MED27: variants seen among roughly 807,000 people sequenced by gnomAD.
The protein encoded by MED27 is mediator complex subunit 27, also known as mediator of RNA polymerase II transcription subunit 27.
A neutral mutation model predicts 38.2 loss-of-function variants in MED27; 30 were observed. That is an observed-to-expected ratio of 0.79 (90% confidence interval 0.59 to 1.07). The LOEUF (loss-of-function observed/expected upper bound fraction) is 1.07, where lower values mean the gene tolerates loss of function less well. Ranked by LOEUF, MED27 falls within the 50% of genes least tolerant of loss-of-function variation. MED27 has a pLI of 0.00. For synonymous variants in MED27, 122 were observed against 153.5 expected (o/e 0.79, Z 1.52); for missense variants, 289 against 397.5 (o/e 0.73, Z 2.32).
intron 4 of MED27, among the ~76,000 whole-genome samples, chr9:131,897,720 A>G (rs960295426): frequency 6.6e-6 from 1 of 152,204 alleles, no homozygotes; most frequent in Admixed American, 6.5e-5. Flanking sequence ...GGTTCTTTGT[A>G]CTATTTCATT....
intron 6 of MED27, among the ~76,000 whole-genome samples, chr9:131,863,637 T>C (rs1397993228): frequency 6.8e-6 from 1 of 146,348 alleles, no homozygotes; most frequent in East Asian, 1.9e-4. Flanking sequence ...ACACAGGATT[T>C]ATGATGGGGA....
chr9:131,987,512 G>C (rs901537071), intron 3 of MED27, among the ~76,000 whole-genome samples: 2 of 152,128 alleles, frequency 1.3e-5, no homozygotes, highest in African/African-American at 4.8e-5. Flanking sequence ...ATTCTAAATA[G>C]AGTCTGTCTT....
chr9:131,970,831 C>G (rs1302316701), intron 3 of MED27, among the ~76,000 whole-genome samples: 1 of 152,122 alleles, frequency 6.6e-6, no homozygotes, highest in African/African-American at 2.4e-5. Context: ...AAGACAAACA[C>G]CAAACAGATC....
intron 4 of MED27, among the ~76,000 whole-genome samples, chr9:131,929,295 C>T (rs1439811373): frequency 6.6e-6 from 1 of 152,162 alleles, no homozygotes; most frequent in Non-Finnish European, 1.5e-5. Flanking sequence ...ACATTCCCAG[C>T]CGTGGTGGTT....
chr9:131,932,979 T>C (rs1466119788), intron 4 of MED27, among the ~76,000 whole-genome samples: 1 of 152,180 alleles, frequency 6.6e-6, no homozygotes, highest in African/African-American at 2.4e-5. Flanking sequence ...AATCAATTAA[T>C]GTGAAACATC....
intron 3 of MED27, among the ~76,000 whole-genome samples, chr9:131,962,903 C>G (rs1361245835): frequency 6.6e-6 from 1 of 152,172 alleles, no homozygotes; most frequent in Non-Finnish European, 1.5e-5. Flanking sequence ...AAGATGGTTT[C>G]ATTTTATCTG....
intron 3 of MED27, among the ~76,000 whole-genome samples, chr9:131,986,277 A>G (rs893283097): frequency 1.3e-5 from 2 of 152,180 alleles, no homozygotes; most frequent in African/African-American, 4.8e-5. Flanking sequence ...ACTCACCCAG[A>G]GCAACCTGTA....
intron 2 of MED27, among the ~76,000 whole-genome samples, chr9:132,033,937 A>G (rs1404286415): frequency 6.6e-6 from 1 of 152,228 alleles, no homozygotes; most frequent in East Asian, 1.9e-4. Flanking sequence ...TACACTTTCA[A>G]TTTGAGATTT....
At chr9:131,934,990 T>C (rs1830656200) in intron 4 of MED27, among the ~76,000 whole-genome samples, 1 of 152,190 alleles carries the variant, frequency 6.6e-6, no homozygotes, top group African/African-American at 2.4e-5. Context: ...TGTTCTCATC[T>C]ATTTGTGGGA....
chr9:131,988,207 A>T (rs1047200282), intron 3 of MED27, among the ~76,000 whole-genome samples: 1 of 152,238 alleles, frequency 6.6e-6, no homozygotes, highest in Non-Finnish European at 1.5e-5. Context: ...GATATTGAGA[A>T]ATAGTTTTTG....
At position 131,860,449 on chromosome 9, in the gene MED27, G is replaced by A; in HGVS notation, c.*89C>T. On this transcript the variant is annotated 3_prime_UTR_variant, in exon 8 of 8. Coordinates refer to ENST00000292035, the MANE Select transcript of MED27 (RefSeq NM_004269.4). This position sits in a 1 kb window ranked among gnomAD's most constrained non-coding sequence, Gnocchi z 5.8. ...GGGAGGAGCAGCTGTACACATCTGG[G>A]CAGTGAGGAACCAGCTGAGCCTTCT... The A allele has an allele frequency of 1.4e-6, 2 of 1,389,630 alleles. No homozygotes were observed. Among genetic ancestry groups the A allele is most frequent in the Non-Finnish European group, 9.6e-7 (1 of 1,044,892 alleles). The allele number at this position is 1,389,630 out of a possible 1,614,324, so 86.1% of individuals were successfully genotyped here.
chr9:131,888,367 A>G (rs1839175401), intron 5 of MED27, among the ~76,000 whole-genome samples: 1 of 152,214 alleles, frequency 6.6e-6, no homozygotes, highest in Non-Finnish European at 1.5e-5. Context: ...GTCTGTGTGC[A>G]GAGGCCCAGC....
At chr9:131,934,210 G>C (rs894116694) in intron 4 of MED27, among the ~76,000 whole-genome samples, 1 of 152,176 alleles carries the variant, frequency 6.6e-6, no homozygotes, top group African/African-American at 2.4e-5. Flanking sequence ...CAGGACATTG[G>C]TCTGAGCAAA....
intron 2 of MED27, among the ~76,000 whole-genome samples, chr9:132,053,119 T>G (rs987854625): frequency 2.4e-4 from 37 of 152,100 alleles, no homozygotes; most frequent in African/African-American, 8.7e-4. Context: ...CGGGCGTGGT[T>G]GCAGGCACCT....
chr9:132,045,000 AC>A (rs1362181156), intron 2 of MED27, among the ~76,000 whole-genome samples: 1 of 152,222 alleles, frequency 6.6e-6, no homozygotes, highest in Non-Finnish European at 1.5e-5. Context: ...TGAACGTCTC[AC>A]AACTACTAAG....
chr9:132,057,616 A>G (rs886358740), intron 2 of MED27, among the ~76,000 whole-genome samples: 4 of 152,270 alleles, frequency 2.6e-5, no homozygotes, highest in African/African-American at 9.6e-5. Flanking sequence ...TAGGATAGAC[A>G]TAAGCCAATG....
chr9:132,077,699 G>A, intron 1 of MED27, 113 bp from the exon 2 acceptor site: 12 of 1,051,410 alleles, frequency 1.1e-5, no homozygotes, highest in South Asian at 4.4e-5. Context: ...AGTCCCTTAA[G>A]AAGAAATACT....
At chr9:132,050,874 T>C (rs1178567367) in intron 2 of MED27, among the ~76,000 whole-genome samples, 1 of 152,262 alleles carries the variant, frequency 6.6e-6, no homozygotes, top group Non-Finnish European at 1.5e-5. Flanking sequence ...GGGTGAGGGC[T>C]GTGAGACCTT....
In MED27 at chr9:131,892,638, C is replaced by T. The variant is rs79606400; in HGVS notation, c.681+1247G>A. Among the ~76,000 whole-genome samples the T allele has an allele frequency of 5.5e-3, 839 of 152,210 alleles. 3 individuals carry two copies. The highest frequency in any genetic ancestry group is 0.019 in the African/African-American group (788 of 41,518). On this transcript the variant is annotated intron_variant, in intron 5 of 7. Transcript: ENST00000292035. ...ATGAAGTTGTCAACTTTGAAAAAAC[C>T]CAACAAGAATGGCATCTCAAAATGC...
Sources: allele counts gnomAD v4.1 joint callset (sites outside exome capture counted in the v4.1 genomes callset), GRCh38; gene constraint gnomAD v4.1.1; non-coding constraint Gnocchi (gnomAD v3.1); transcripts MANE v1.5; gene names NCBI Gene and HGNC (gene_info 2026-07-23, HGNC 2026-07-21).